The following EYS variants were observed in gnomAD, a reference collection of about 807,000 sequenced individuals.
EYS encodes the protein EGF-like photoreceptor maintenance factor, also known as protein eyes shut homolog.
EYS carries 250 observed loss-of-function variants against 282.1 expected under a neutral mutation model. The ratio of observed to expected loss-of-function variants is 0.89; its 90% CI spans 0.80 to 0.98. The LOEUF is 0.98. EYS is among the 50% of genes least tolerant of loss of function. The probability of loss-of-function intolerance (pLI) is 0.00; values close to 1 mark genes in which losing one functional copy is unlikely to be tolerated. For missense variants in EYS, 4,016 were observed against 3,709.0 expected, an observed-to-expected ratio of 1.08 and a Z score of -2.15; for synonymous variants, 1,355 against 1,282.9, an observed-to-expected ratio of 1.06 and a Z score of -1.20.
rs181240647 is a variant in EYS at position 64,714,838 on chromosome 6, T to C, written c.3444-88593A>G. The stretch of plus-strand genomic sequence containing the variant: ...ACCATGCCCGGCCTAAAACACATTT[T>C]CATGATCTCTAAAATAAATAGGCTG... On this transcript the variant is annotated intron_variant, in intron 22 of 42. Coordinates refer to ENST00000503581, the MANE Select transcript of EYS (RefSeq NM_001142800.2). Among the ~76,000 whole-genome samples, 639 of 152,248 alleles carry C rather than the reference T, an allele frequency of 4.2e-3. 6 individuals carry two copies. Among genetic ancestry groups the C allele is most frequent in the African/African-American group, 0.014 (596 of 41,548 alleles).
At position 64,241,657 on chromosome 6, in the gene EYS, T is replaced by TGTG. The variant is rs1562268367; in HGVS notation, c.6192-10834_6192-10833insCAC. ...GGATTCATTGATTTTTTGAAGGTTT[T>TGTG]TGTGTGTGTGTGTGTGTGTGTGTGT... On this transcript the variant is annotated intron_variant, in intron 30 of 42. Transcript: ENST00000503581. Among the ~76,000 whole-genome samples, 885 of 149,252 alleles carry TGTG rather than the reference T, an allele frequency of 5.9e-3. 7 individuals carry two copies. Among genetic ancestry groups the TGTG allele is most frequent in the African/African-American group, 0.021 (847 of 40,756 alleles).
chr6:65,299,208 T>C (rs1562080660), intron 11 of EYS, among the ~76,000 whole-genome samples: 1 of 152,048 alleles, frequency 6.6e-6, no homozygotes, highest in Non-Finnish European at 1.5e-5. Context: ...TTGCTATGAT[T>C]TGTATGTGTT....
chr6:64,551,759 C>A (rs1302076855), intron 26 of EYS, among the ~76,000 whole-genome samples: 1 of 151,986 alleles, frequency 6.6e-6, no homozygotes, highest in African/African-American at 2.4e-5. Context: ...AAGCATTTTC[C>A]TTTATAGAAA....
intron 30 of EYS, among the ~76,000 whole-genome samples, chr6:64,285,265 C>T (rs1768454837): frequency 6.6e-6 from 1 of 152,172 alleles, no homozygotes; most frequent in Non-Finnish European, 1.5e-5. Context: ...CAAATCACCT[C>T]TTGAATGCTT....
At chr6:63,761,810 T>A (rs1769650145) in intron 41 of EYS, among the ~76,000 whole-genome samples, 1 of 151,974 alleles carries the variant, frequency 6.6e-6, no homozygotes, top group South Asian at 2.1e-4. Context: ...GCTTAATCTC[T>A]CCAACTTCCT....
chr6:65,308,075 C>T (rs1488869407), intron 11 of EYS, among the ~76,000 whole-genome samples: 2 of 121,246 alleles, frequency 1.6e-5, no homozygotes, highest in East Asian at 2.5e-4. Context: ...CGGGTTCAAG[C>T]GATTCTTCTG....
chr6:64,810,025 AT>A (rs1764546232), intron 22 of EYS, among the ~76,000 whole-genome samples: 1 of 152,054 alleles, frequency 6.6e-6, no homozygotes, highest in African/African-American at 2.4e-5. Context: ...ATCAAAGAAA[AT>A]TTTTTAAGAA....
intron 12 of EYS, among the ~76,000 whole-genome samples, chr6:65,280,239 G>C (rs1455635257): frequency 2.6e-5 from 4 of 152,122 alleles, no homozygotes; most frequent in Admixed American, 6.6e-5. Context: ...TTAGTCAACA[G>C]AACATCCCTT....
chr6:64,565,366 C>T (rs79484365), intron 26 of EYS, among the ~76,000 whole-genome samples: 4,258 of 151,848 alleles, frequency 0.028, 126 homozygotes, highest in East Asian at 0.11. Context: ...GATTTTTATA[C>T]GATGTGAGGT....
intron 1 of EYS, among the ~76,000 whole-genome samples, chr6:65,673,551 C>T (rs1169459359): frequency 6.6e-6 from 1 of 152,034 alleles, no homozygotes; most frequent in Non-Finnish European, 1.5e-5. Flanking sequence ...AGTTTTTGGG[C>T]TCTATCCTTG....
At chr6:65,178,567 C>A (rs1765289103) in intron 12 of EYS, among the ~76,000 whole-genome samples, 1 of 151,966 alleles carries the variant, frequency 6.6e-6, no homozygotes, top group African/African-American at 2.4e-5. Flanking sequence ...AAAGCAAGTC[C>A]TGAGTGACCT....
intron 28 of EYS, among the ~76,000 whole-genome samples, chr6:64,395,314 T>A (rs1039367443): frequency 4.6e-5 from 7 of 152,156 alleles, no homozygotes; most frequent in Non-Finnish European, 1.0e-4. Context: ...ATCATGCTGC[T>A]ATAAAGACGC....
intron 1 of EYS, among the ~76,000 whole-genome samples, chr6:65,671,150 G>C (rs1323309046): frequency 6.6e-6 from 1 of 151,934 alleles, no homozygotes; most frequent in Non-Finnish European, 1.5e-5. Context: ...CACATCCTAG[G>C]ACATCTGTGA....
intron 13 of EYS, among the ~76,000 whole-genome samples, chr6:65,025,621 C>T (rs1227187325): frequency 1.3e-5 from 2 of 152,066 alleles, no homozygotes; most frequent in Non-Finnish European, 2.9e-5. Flanking sequence ...GGCTGAGGCA[C>T]GAGAACTGTT....
chr6:64,185,211 A>G (rs1388028531), intron 31 of EYS, among the ~76,000 whole-genome samples: 1 of 152,184 alleles, frequency 6.6e-6, no homozygotes, highest in East Asian at 1.9e-4. Flanking sequence ...AGTCAAATGG[A>G]CTAAAACAAC....
At chr6:64,091,479 A>C (rs1362168540) in intron 31 of EYS, among the ~76,000 whole-genome samples, 1 of 152,172 alleles carries the variant, frequency 6.6e-6, no homozygotes, top group Non-Finnish European at 1.5e-5. Flanking sequence ...TTGAGGGTAC[A>C]TGAGTAATAT....
At chr6:65,195,450 A>T (rs966849017) in intron 12 of EYS, among the ~76,000 whole-genome samples, 1 of 152,072 alleles carries the variant, frequency 6.6e-6, no homozygotes, top group Non-Finnish European at 1.5e-5. Flanking sequence ...TAACTTAAAA[A>T]CAATCAAGTT....
chr6:64,332,623 C>T (rs1770689235), intron 29 of EYS, among the ~76,000 whole-genome samples: 1 of 152,150 alleles, frequency 6.6e-6, no homozygotes, highest in African/African-American at 2.4e-5. Flanking sequence ...GACCACCTGA[C>T]ACGGCTGATC....
At chr6:65,349,848 G>T (rs1396881669) in intron 9 of EYS, among the ~76,000 whole-genome samples, 1 of 151,494 alleles carries the variant, frequency 6.6e-6, no homozygotes. Context: ...TTTTCTTTCA[G>T]ATTATGTATG....
Sources: allele counts gnomAD v4.1 joint callset (sites outside exome capture counted in the v4.1 genomes callset), GRCh38; gene constraint gnomAD v4.1.1; transcripts MANE v1.5; gene names NCBI Gene and HGNC (gene_info 2026-07-23, HGNC 2026-07-21).